Variants in WARS1 observed in about 807,000 individuals in gnomAD.
The protein encoded by WARS1 is tryptophanyl-tRNA synthetase 1, also known as tryptophan--tRNA ligase, cytoplasmic.
WARS1 carries 17 observed loss-of-function variants against 47.8 expected under a neutral mutation model. The ratio of observed to expected loss-of-function variants is 0.36; its 90% CI spans 0.24 to 0.53. The LOEUF is 0.53. Ranked by LOEUF, WARS1 falls within the 20% of genes least tolerant of loss-of-function variation. The pLI is 0.91. For missense variants in WARS1, 434 were observed against 608.0 expected (o/e 0.71, Z 3.01); for synonymous variants, 208 against 228.1 (o/e 0.91, Z 0.79).
intron 2 of WARS1, among the ~76,000 whole-genome samples, chr14:100,366,313 A>G (rs1895990104): frequency 6.6e-6 from 1 of 152,118 alleles, no homozygotes; most frequent in African/African-American, 2.4e-5. Context: ...AGATCTAAAG[A>G]CCTTGACACG....
chr14:100,369,597 CT>C (rs1896217963), intron 1 of WARS1, among the ~76,000 whole-genome samples: 1 of 152,026 alleles, frequency 6.6e-6, no homozygotes, highest in Admixed American at 6.6e-5. Context: ...CACAGGAGGA[CT>C]CCTGTTTGCT....
In WARS1 at chr14:100,339,124, TACAC is replaced by T. The variant is rs796168229; in HGVS notation, c.1114-1926_1114-1923del. Reference sequence around the variant, plus strand: ...TCCATCACACACACACACACACACATACACACACACACACACACACACAGAATTC... The same window carrying T: ...TCCATCACACACACACACACACACATACACACACACACACACACAGAATTC... On this transcript the variant is annotated intron_variant, in intron 9 of 10. Coordinates refer to ENST00000392882, the MANE Select transcript of WARS1 (RefSeq NM_004184.4). Among the ~76,000 whole-genome samples, 1,162 of 144,198 alleles carry T rather than the reference TACAC, an allele frequency of 8.1e-3. 9 individuals are homozygous for T. Among genetic ancestry groups the T allele is most frequent in the Non-Finnish European group, 0.011 (707 of 65,338 alleles). 94.6% of individuals were successfully genotyped at this position (144,198 alleles called of 152,430 possible).
chr14:100,372,908 C>A (rs1182258773), intron 1 of WARS1, among the ~76,000 whole-genome samples: 1 of 152,194 alleles, frequency 6.6e-6, no homozygotes, highest in Non-Finnish European at 1.5e-5. Context: ...ACACCCTTCT[C>A]TGCCTGAACT....
intron 10 of WARS1, among the ~76,000 whole-genome samples, chr14:100,336,597 A>T (rs1893750747): frequency 6.6e-6 from 1 of 152,220 alleles, no homozygotes; most frequent in Admixed American, 6.5e-5. Flanking sequence ...GAATGAGAAA[A>T]CCTGAGGAGA....
rs1263384437 is a variant in WARS1, at chr14:100,337,047, G to T, written c.1254+15C>A. On this transcript the variant is annotated intron_variant, in intron 10 of 10. Transcript: ENST00000392882. ...GGCAGAAGGCGGCTGTGGGCCCTTG[G>T]GGTTCCCTGCTCACCTTCCTGATCT... 2 of 1,608,622 alleles carry T rather than the reference G, an allele frequency of 1.2e-6. No homozygotes were observed. Among genetic ancestry groups the T allele is most frequent in the South Asian group, 2.2e-5 (2 of 90,926 alleles).
rs781290800 is a variant in WARS1 at position 100,334,630 on chromosome 14, G to T, written c.*245C>A. 125 of 392,496 alleles carry T rather than the reference G, an allele frequency of 3.2e-4. No homozygotes were observed. Among genetic ancestry groups the T allele is most frequent in the Non-Finnish European group, 1.7e-4 (37 of 217,560 alleles). The allele number at this position is 392,496 out of a possible 1,614,324, so 24.3% of individuals were successfully genotyped here. A position where few individuals can be genotyped will look rare whatever the true frequency, so the allele number is the denominator to read the frequency against. On this transcript the variant is annotated 3_prime_UTR_variant, in exon 11 of 11. Coordinates refer to ENST00000392882, the MANE Select transcript of WARS1 (RefSeq NM_004184.4). The stretch of plus-strand genomic sequence containing the variant: ...TGCTTTGGGGAGAGACTCACAGCTG[G>T]ACTTCTCTATCCGACCATGCAATGT...
rs1006067778 is a variant in WARS1 at position 100,371,253 on chromosome 14, G to C, written c.-73-1995C>G. On this transcript the variant is annotated intron_variant, in intron 1 of 10. Transcript: ENST00000392882. ...ACCTGAGGTCAGGAGTTTGAGACCA[G>C]CCTGGCCAACATGGTGAAACCCCGT... Among the ~76,000 whole-genome samples, 4 of 151,470 alleles carry C rather than the reference G, an allele frequency of 2.6e-5. No individual in the cohort carries two copies. In the South Asian group the frequency reaches 8.4e-4, roughly 32 times the overall value.
At chr14:100,369,342 T>A in intron 1 of WARS1, 84 bp from the exon 2 acceptor site, 1 of 376,034 alleles carries the variant, frequency 2.7e-6, no homozygotes, top group Non-Finnish European at 4.6e-6. Context: ...CTGTATTGAG[T>A]CCTTTTTTCC....
intron 3 of WARS1, 72 bp from the exon 4 acceptor site, chr14:100,360,734 T>A: frequency 2.6e-6 from 3 of 1,175,482 alleles, no homozygotes; most frequent in Non-Finnish European, 3.7e-6. Flanking sequence ...GAAATGAAGA[T>A]GAAAAGTGAG....
chr14:100,360,491 T>TA, intron 4 of WARS1, 63 bp downstream of exon 4: 1 of 1,350,600 alleles, frequency 7.4e-7, no homozygotes, highest in Non-Finnish European at 1.0e-6. Flanking sequence ...GAGAGTGTCT[T>TA]ACGATTTTTT....
intron 4 of WARS1, among the ~76,000 whole-genome samples, chr14:100,360,074 C>T (rs55730155): frequency 2.0e-5 from 3 of 152,128 alleles, no homozygotes; most frequent in South Asian, 2.1e-4. Flanking sequence ...ACGTTATCTG[C>T]GTGGAATTTA....
rs754962336 is a variant in WARS1 at position 100,350,405 on chromosome 14, A to AAAAAAAAG, written c.725+3281_725+3282insCTTTTTTT. ...AGACTCCATCTCAAAAAAAGAAAAA[A>AAAAAAAAG]AAAAAAAAAAAGGAAGTTCTTATTT... On this transcript the variant is annotated intron_variant, in intron 6 of 10. Coordinates refer to ENST00000392882, the MANE Select transcript of WARS1 (RefSeq NM_004184.4). Among the ~76,000 whole-genome samples the AAAAAAAAG allele has an allele frequency of 2.5e-4, 37 of 150,512 alleles. 1 individual carries two copies. The highest frequency in any genetic ancestry group is 4.9e-4 in the Non-Finnish European group (33 of 67,516).
Position 100,369,217 on chromosome 14 carries a change from C to T in WARS1, c.-32G>A. The T allele has an allele frequency of 7.5e-7, 1 of 1,329,248 alleles. No homozygotes were observed. The allele number at this position is 1,329,248 out of a possible 1,614,324, so 82.3% of individuals were successfully genotyped here. A position where few individuals can be genotyped will look rare whatever the true frequency, so the allele number is the denominator to read the frequency against. Reference sequence around the variant, plus strand: ...TATCTCTCAGGAACTACGTTCACAGCCGGCCTGAGGTCAGAGGATTTGTTC... The same window carrying T: ...TATCTCTCAGGAACTACGTTCACAGTCGGCCTGAGGTCAGAGGATTTGTTC... On this transcript the variant is annotated 5_prime_UTR_variant, in exon 2 of 11. Transcript: ENST00000392882.
chr14:100,369,011 C>A (rs1394484135), intron 2 of WARS1, 76 bp downstream of exon 2: 14 of 1,084,968 alleles, frequency 1.3e-5, no homozygotes, highest in Non-Finnish European at 1.8e-5. Flanking sequence ...AGGAAACCAT[C>A]TATTCTAGAG....
intron 5 of WARS1, 43 bp downstream of exon 5, chr14:100,354,404 A>G (rs1895182822): frequency 2.5e-6 from 4 of 1,590,746 alleles, no homozygotes; most frequent in Non-Finnish European, 3.4e-6. Flanking sequence ...AACATTCTCA[A>G]TTCACTAAGA....
intron 3 of WARS1, 87 bp from the exon 4 acceptor site, chr14:100,360,749 C>A: frequency 1.0e-6 from 1 of 987,354 alleles, no homozygotes; most frequent in South Asian, 1.5e-5. Flanking sequence ...AGTGAGTGAT[C>A]CATGCACAAT....
chr14:100,354,587 G>T, intron 4 of WARS1, 21 bp from the exon 5 acceptor site: 1 of 1,586,530 alleles, frequency 6.3e-7, no homozygotes, highest in Non-Finnish European at 8.6e-7. Flanking sequence ...AAGGAGAAGA[G>T]GAAGAGTGTG....
intron 2 of WARS1, chr14:100,366,696 C>T (rs879007114): frequency 5.1e-6 from 4 of 790,924 alleles, no homozygotes; most frequent in Admixed American, 1.7e-5. Context: ...CAACGGAAGA[C>T]AGAAGGGACA....
chr14:100,345,027 C>A (rs1172600929), intron 7 of WARS1, among the ~76,000 whole-genome samples: 1 of 150,876 alleles, frequency 6.6e-6, no homozygotes, highest in Non-Finnish European at 1.5e-5. Flanking sequence ...CCCGGCCAGC[C>A]GCCCCGTCCG....
Sources: gnomAD v4.1 joint callset for allele counts (sites outside exome capture counted in the v4.1 genomes callset) on GRCh38, gnomAD v4.1.1 for gene constraint, MANE v1.5 for transcripts, NCBI Gene and HGNC (gene_info 2026-07-23, HGNC 2026-07-21) for gene names.